The following MARCHF3 variants were observed in gnomAD, a reference collection of about 807,000 sequenced individuals.
MARCHF3 encodes the protein membrane associated ring-CH-type finger 3.
Under a neutral mutation model 24.2 loss-of-function variants are expected in MARCHF3, and 13 were observed. That is an observed-to-expected ratio of 0.54 (90% CI 0.35 to 0.85). The LOEUF (loss-of-function observed/expected upper bound fraction) is 0.85. Among genes scored for constraint, MARCHF3 ranks in the 40% least tolerant of loss-of-function variants. The pLI is 0.01. For missense variants in MARCHF3, 276 were observed against 325.0 expected, an observed-to-expected ratio of 0.85 and a Z score of 1.16; for synonymous variants, 144 against 137.3, an observed-to-expected ratio of 1.05 and a Z score of -0.34.
chr5:127,018,098 C>T (rs538510564), intron 1 of MARCHF3, among the ~76,000 whole-genome samples: 1 of 152,284 alleles, frequency 6.6e-6, no homozygotes, highest in South Asian at 2.1e-4. Context: ...AAGCCACGTG[C>T]GGCAGCTCAT....
chr5:126,971,757 T>C (rs1028399294), intron 1 of MARCHF3, among the ~76,000 whole-genome samples: 3 of 152,220 alleles, frequency 2.0e-5, no homozygotes, highest in Admixed American at 2.0e-4. Flanking sequence ...TTAATCCCAG[T>C]AAGTGACAAT....
chr5:126,976,442 C>G (rs147959264), intron 1 of MARCHF3, among the ~76,000 whole-genome samples: 2,162 of 152,318 alleles, frequency 0.014, 65 homozygotes, highest in African/African-American at 0.049. Context: ...TCTCCAGGTT[C>G]ATTGCCTCTG....
At chr5:127,018,358 G>A (rs1033989229) in intron 1 of MARCHF3, among the ~76,000 whole-genome samples, 10 of 151,948 alleles carry the variant, frequency 6.6e-5, no homozygotes, top group South Asian at 2.1e-4. Context: ...GTGACAGAGC[G>A]AGACTTCATC....
chr5:126,980,372 T>C (rs1486781160), intron 1 of MARCHF3, among the ~76,000 whole-genome samples: 1 of 151,870 alleles, frequency 6.6e-6, no homozygotes, highest in East Asian at 1.9e-4. Context: ...TGATGATTCA[T>C]TCCTTTTTTT....
At chr5:126,903,860 T>C (rs1316788451) in intron 3 of MARCHF3, among the ~76,000 whole-genome samples, 3 of 151,972 alleles carry the variant, frequency 2.0e-5, no homozygotes, top group Admixed American at 1.3e-4. Context: ...ATGTGCACAA[T>C]GGGCAGGTTA....
chr5:126,895,938 A>G (rs1355591550), intron 3 of MARCHF3, among the ~76,000 whole-genome samples: 4 of 152,108 alleles, frequency 2.6e-5, no homozygotes, highest in Non-Finnish European at 4.4e-5. Context: ...GTTTGATCTC[A>G]GACTGCTGTG....
intron 1 of MARCHF3, among the ~76,000 whole-genome samples, chr5:127,025,051 T>C (rs536427044): frequency 6.6e-6 from 1 of 152,276 alleles, no homozygotes; most frequent in East Asian, 1.9e-4. Context: ...GGTGGTCCAA[T>C]GACGGATTAC....
chr5:126,982,624 C>G (rs1268026427), intron 1 of MARCHF3, among the ~76,000 whole-genome samples: 1 of 152,192 alleles, frequency 6.6e-6, no homozygotes, highest in African/African-American at 2.4e-5. Flanking sequence ...GTAGGACAAG[C>G]AAGGGCTTTC....
chr5:126,994,391 G>A (rs571441628), intron 1 of MARCHF3, among the ~76,000 whole-genome samples: 1 of 152,318 alleles, frequency 6.6e-6, no homozygotes, highest in South Asian at 2.1e-4. Context: ...AGCACCTAGG[G>A]GGTAGGGGGA....
At chr5:126,991,387 G>A (rs1364208207) in intron 1 of MARCHF3, among the ~76,000 whole-genome samples, 6 of 152,100 alleles carry the variant, frequency 3.9e-5, no homozygotes, top group Non-Finnish European at 7.4e-5. Context: ...ATCACACACC[G>A]GGGCCTGTTA....
chr5:126,993,251 G>A (rs993368270), intron 1 of MARCHF3, among the ~76,000 whole-genome samples: 1 of 152,162 alleles, frequency 6.6e-6, no homozygotes, highest in African/African-American at 2.4e-5. Context: ...AAGTTCCAAG[G>A]CGAGGTGTAG....
chr5:126,898,195 G>T (rs1357550565), intron 3 of MARCHF3, among the ~76,000 whole-genome samples: 1 of 152,052 alleles, frequency 6.6e-6, no homozygotes. Flanking sequence ...ATGGTGAATT[G>T]TATGGTATGG....
chr5:126,876,207 C>A (rs1229144544), intron 4 of MARCHF3, among the ~76,000 whole-genome samples: 1 of 152,110 alleles, frequency 6.6e-6, no homozygotes, highest in Admixed American at 6.6e-5. Flanking sequence ...CTGTTTCTTT[C>A]TTGTTAGATA....
intron 1 of MARCHF3, among the ~76,000 whole-genome samples, chr5:126,986,175 C>T (rs1272688399): frequency 1.3e-5 from 2 of 152,098 alleles, no homozygotes; most frequent in Non-Finnish European, 1.5e-5. Context: ...GTCTTGAAAC[C>T]GTAAGGAAAA....
At chr5:127,003,376 G>A (rs1437750891) in intron 1 of MARCHF3, among the ~76,000 whole-genome samples, 1 of 151,944 alleles carries the variant, frequency 6.6e-6, no homozygotes, top group Non-Finnish European at 1.5e-5. Context: ...GCTGAGGCAG[G>A]AGAAAGGCGT....
At chr5:127,002,674 A>G (rs1485342317) in intron 1 of MARCHF3, among the ~76,000 whole-genome samples, 2 of 152,234 alleles carry the variant, frequency 1.3e-5, no homozygotes, top group Admixed American at 6.5e-5. Context: ...AACTGTCAAC[A>G]AGCCATTTTC....
At chr5:126,872,074 CT>C (rs70997318) in intron 4 of MARCHF3, among the ~76,000 whole-genome samples, 1,953 of 94,474 alleles carry the variant, frequency 0.021, 17 homozygotes, top group African/African-American at 0.074. Context: ...AGATCCTTGT[CT>C]TTTTTTTTTT....
At chr5:126,936,809 T>C (rs1749661805) in intron 1 of MARCHF3, among the ~76,000 whole-genome samples, 1 of 152,026 alleles carries the variant, frequency 6.6e-6, no homozygotes, top group Admixed American at 6.5e-5. Flanking sequence ...CCATAAATAA[T>C]CCAAAGGCAA....
chr5:126,991,638 T>C (rs967964810), intron 1 of MARCHF3, among the ~76,000 whole-genome samples: 1 of 152,022 alleles, frequency 6.6e-6, no homozygotes, highest in East Asian at 1.9e-4. Context: ...GGAGAATCGC[T>C]TGAACCCAGG....
Sources: allele counts gnomAD v4.1 joint callset (sites outside exome capture counted in the v4.1 genomes callset), GRCh38; gene constraint gnomAD v4.1.1; transcripts MANE v1.5; gene names NCBI Gene and HGNC (gene_info 2026-07-23, HGNC 2026-07-21).